TANGO6: variants seen among roughly 807,000 people sequenced by gnomAD.
TANGO6 encodes transport and Golgi organization protein 6 homolog.
TANGO6 carries 90 observed loss-of-function variants against 114.2 expected under a neutral mutation model. The ratio of observed to expected loss-of-function variants is 0.79; its 90% confidence interval spans 0.66 to 0.94. The LOEUF is 0.94. TANGO6 is among the 40% of genes least tolerant of loss of function. The pLI is 0.00. For synonymous variants in TANGO6, 477 were observed against 509.8 expected, an observed-to-expected ratio of 0.94 and a Z score of 0.87; for missense variants, 1,274 against 1,315.3, an observed-to-expected ratio of 0.97 and a Z score of 0.49.
At chr16:68,951,407 A>G (rs1024824589) in intron 14 of TANGO6, among the ~76,000 whole-genome samples, 9 of 152,082 alleles carry the variant, frequency 5.9e-5, no homozygotes, top group African/African-American at 1.7e-4. Context: ...CAAAATGGGC[A>G]TGAAGGCAAG....
chr16:68,974,514 T>A (rs916482151), intron 15 of TANGO6, among the ~76,000 whole-genome samples: 2 of 151,966 alleles, frequency 1.3e-5, no homozygotes, highest in East Asian at 3.9e-4. Context: ...ATACAAAAAT[T>A]AGCTGGGCGT....
chr16:68,981,998 T>C (rs1035123846), intron 15 of TANGO6, among the ~76,000 whole-genome samples: 1 of 152,352 alleles, frequency 6.6e-6, no homozygotes, highest in African/African-American at 2.4e-5. Context: ...GAGACACTTT[T>C]GGTTGTTAGA....
At chr16:68,962,727 C>T (rs1963605308) in intron 14 of TANGO6, among the ~76,000 whole-genome samples, 2 of 151,780 alleles carry the variant, frequency 1.3e-5, no homozygotes, top group East Asian at 1.9e-4. Context: ...CGCCATTGCA[C>T]ACCAGCCTGG....
chr16:69,080,275 TA>T (rs1367088826), intron 17 of TANGO6, among the ~76,000 whole-genome samples: 1 of 152,140 alleles, frequency 6.6e-6, no homozygotes, highest in African/African-American at 2.4e-5. Flanking sequence ...TATAATTTTG[TA>T]CTTTAAAAAG....
chr16:69,007,896 G>A (rs533513216), intron 15 of TANGO6, among the ~76,000 whole-genome samples: 5 of 152,236 alleles, frequency 3.3e-5, no homozygotes, highest in African/African-American at 1.2e-4. Flanking sequence ...CTTCCCCAGT[G>A]ATTAATGATG....
rs149820874 is a variant in TANGO6 at position 68,986,724 on chromosome 16, G to T, written c.2842+12556G>T. Among the ~76,000 whole-genome samples, 674 of 152,144 alleles carry T rather than the reference G, an allele frequency of 4.4e-3. 6 individuals are homozygous for T. The highest frequency in any genetic ancestry group is 0.015 in the African/African-American group (637 of 41,494). ...GTTCAAGACCTGCCTGGCCAATGTGGTGAAACCCGGTCTCTACTAGAAATA... is the reference window on the plus strand; with the variant it reads ...GTTCAAGACCTGCCTGGCCAATGTGTTGAAACCCGGTCTCTACTAGAAATA... On this transcript the variant is annotated intron_variant, in intron 15 of 17. Coordinates refer to ENST00000261778, the MANE Select transcript of TANGO6 (RefSeq NM_024562.2).
At chr16:68,918,853 A>T (rs1963049070) in intron 11 of TANGO6, among the ~76,000 whole-genome samples, 2 of 152,192 alleles carry the variant, frequency 1.3e-5, no homozygotes, top group African/African-American at 2.4e-5. Flanking sequence ...CGCTTGTCCT[A>T]TCCATCTGTC....
At chr16:69,054,419 C>G (rs1417363965) in intron 17 of TANGO6, among the ~76,000 whole-genome samples, 2 of 152,140 alleles carry the variant, frequency 1.3e-5, no homozygotes, top group Non-Finnish European at 2.9e-5. Flanking sequence ...AGGCATGGTG[C>G]CATCAACTCC....
intron 1 of TANGO6, among the ~76,000 whole-genome samples, chr16:68,859,381 G>A (rs777903214): frequency 1.1e-4 from 17 of 152,084 alleles, no homozygotes; most frequent in African/African-American, 7.2e-5. Flanking sequence ...GTGTCGCCCA[G>A]GCTGGTCTTG....
At chr16:68,979,893 G>A (rs1252354253) in intron 15 of TANGO6, among the ~76,000 whole-genome samples, 3 of 149,042 alleles carry the variant, frequency 2.0e-5, no homozygotes, top group African/African-American at 7.4e-5. Flanking sequence ...CACCCAGGCT[G>A]GAGTGCAGTG....
chr16:69,040,324 T>C lies in TANGO6; in HGVS notation c.3011T>C (p.Ile1004Thr). 6.2e-7 allele frequency: 1 copy of C among 1,607,106 alleles called. No individual in the cohort carries two copies. Among genetic ancestry groups the C allele is most frequent in the South Asian group, 1.1e-5 (1 of 89,194 alleles). The change falls in exon 17 of 18, where the codon ATT becomes ACT. Residue 1004 changes from isoleucine (I) to threonine (T), a missense_variant. By Grantham distance (89) the Ile-to-Thr change is moderately conservative. Around this residue, in one of 5 missense-constraint regions of TANGO6, gnomAD observed 238 missense variants for 252.9 expected, o/e 0.94. Coordinates refer to ENST00000261778, the MANE Select transcript of TANGO6 (RefSeq NM_024562.2). ...TCCTCCTAGGTAACAGCTTGCCTGATTGCTGTGGCCAAAACAGATGGTGAA... is the reference window on the plus strand; with the variant it reads ...TCCTCCTAGGTAACAGCTTGCCTGACTGCTGTGGCCAAAACAGATGGTGAA... ...SVVHEVTACL[I>T]AVAKTDGEVQ... is the part of the protein sequence containing the mutation.
At chr16:69,025,171 C>T (rs922696355) in intron 16 of TANGO6, among the ~76,000 whole-genome samples, 2 of 152,196 alleles carry the variant, frequency 1.3e-5, no homozygotes, top group Non-Finnish European at 2.9e-5. Flanking sequence ...GCTGGCGTGC[C>T]CCAGCTCACC....
chr16:68,861,742 C>T (rs558460467), intron 2 of TANGO6, among the ~76,000 whole-genome samples: 1 of 152,224 alleles, frequency 6.6e-6, no homozygotes, highest in East Asian at 1.9e-4. Context: ...TGGACAAAGT[C>T]CCACCAATAG....
chr16:69,082,889 G>T (rs200162968), intron 17 of TANGO6, among the ~76,000 whole-genome samples: 4 of 152,094 alleles, frequency 2.6e-5, no homozygotes, highest in Admixed American at 6.6e-5. Flanking sequence ...GCCTGTCTGT[G>T]GTCCTGAGGT....
chr16:68,991,610 T>C (rs1963946392), intron 15 of TANGO6, among the ~76,000 whole-genome samples: 1 of 151,618 alleles, frequency 6.6e-6, no homozygotes, highest in Non-Finnish European at 1.5e-5. Flanking sequence ...CACTGTACTC[T>C]CCAGCCTAGG....
intron 17 of TANGO6, among the ~76,000 whole-genome samples, chr16:69,064,946 CAATG>C (rs927573142): frequency 6.6e-6 from 1 of 152,158 alleles, no homozygotes; most frequent in African/African-American, 2.4e-5. Context: ...GGACTGGAAA[CAATG>C]AAGCCTGTTC....
intron 15 of TANGO6, among the ~76,000 whole-genome samples, chr16:69,015,411 G>A (rs75181268): frequency 1.4e-3 from 217 of 152,268 alleles, no homozygotes; most frequent in African/African-American, 4.6e-3. Context: ...TGGGTTCTCA[G>A]ATGTAGCTGG....
intron 15 of TANGO6, among the ~76,000 whole-genome samples, chr16:68,988,273 T>TA (rs927244978): frequency 1.3e-5 from 2 of 152,232 alleles, no homozygotes; most frequent in African/African-American, 4.8e-5. Context: ...GACTTTCCAG[T>TA]AGCACTTGAT....
intron 7 of TANGO6, among the ~76,000 whole-genome samples, chr16:68,888,350 A>T (rs776518594): frequency 1.6e-4 from 25 of 152,192 alleles, no homozygotes; most frequent in Non-Finnish European, 2.5e-4. Flanking sequence ...AGGGAGGCCT[A>T]GGTTGCACAG....
Sources: gnomAD v4.1 joint callset for allele counts (sites outside exome capture counted in the v4.1 genomes callset) on GRCh38, gnomAD v4.1.1 for gene constraint, gnomAD v4.1.1 regional missense constraint, MANE v1.5 for transcripts, NCBI Gene and HGNC (gene_info 2026-07-23, HGNC 2026-07-21) for gene names.